APBB2: variants seen among roughly 807,000 people sequenced by gnomAD.
APBB2 encodes Fe65-like 1.
Under a neutral mutation model 82.5 loss-of-function variants are expected in APBB2, and 38 were observed. The ratio of observed to expected loss-of-function variants is 0.46; its 90% CI spans 0.36 to 0.60. APBB2 has a LOEUF of 0.60. Ranked by LOEUF, APBB2 falls within the 20% of genes least tolerant of loss-of-function variation. APBB2 has a pLI of 0.00. For missense variants in APBB2, 772 were observed against 972.3 expected (o/e 0.79, Z 2.74); for synonymous variants, 341 against 368.2 (o/e 0.93, Z 0.85).
At chr4:41,181,664 G>A (rs1338155160) in intron 1 of APBB2, among the ~76,000 whole-genome samples, 3 of 152,258 alleles carry the variant, frequency 2.0e-5, no homozygotes, top group Middle Eastern at 3.4e-3. Context: ...GGACTAGCAT[G>A]GCCGGGCACA....
At chr4:40,986,291 T>C (rs1800411825) in intron 6 of APBB2, among the ~76,000 whole-genome samples, 1 of 152,234 alleles carries the variant, frequency 6.6e-6, no homozygotes, top group Non-Finnish European at 1.5e-5. Context: ...GTTGTCACCA[T>C]GCAATCCACT....
chr4:41,065,857 G>C (rs1048451579), intron 3 of APBB2, among the ~76,000 whole-genome samples, 184 bp from the exon 4 acceptor site: 4 of 151,898 alleles, frequency 2.6e-5, no homozygotes, highest in Non-Finnish European at 5.9e-5. Context: ...GCAGGCCCAG[G>C]GCTTGCTGAT....
chr4:40,934,931 G>A, intron 8 of APBB2, 146 bp downstream of exon 8: 1 of 730,308 alleles, frequency 1.4e-6, no homozygotes, highest in Non-Finnish European at 2.2e-6. Flanking sequence ...AAGGCAACAG[G>A]AGTGTGAGCT....
intron 10 of APBB2, among the ~76,000 whole-genome samples, chr4:40,930,404 CTT>C (rs1332149791): frequency 2.7e-5 from 4 of 150,028 alleles, no homozygotes; most frequent in Non-Finnish European, 5.9e-5. Flanking sequence ...TAGAAAAAGA[CTT>C]TGCTCTTTGG....
At chr4:41,101,268 T>C (rs1458622442) in intron 2 of APBB2, among the ~76,000 whole-genome samples, 1 of 148,478 alleles carries the variant, frequency 6.7e-6, no homozygotes, top group Admixed American at 6.7e-5. Flanking sequence ...ATCGAGACCA[T>C]CCTGGCTAAC....
intron 10 of APBB2, among the ~76,000 whole-genome samples, chr4:40,907,367 ATATATATATATAT>A (rs1490471920): frequency 9.6e-4 from 69 of 71,612 alleles, no homozygotes; most frequent in East Asian, 6.2e-3. Flanking sequence ...ATATATATAT[ATATATATATATAT>A]TTTTTTTTTT....
chr4:40,955,903 G>C (rs939896151), intron 6 of APBB2, among the ~76,000 whole-genome samples: 2 of 152,026 alleles, frequency 1.3e-5, no homozygotes, highest in Non-Finnish European at 2.9e-5. Context: ...AGCCTCTCGA[G>C]TAGCTGGGAT....
At chr4:40,914,279 A>G (rs556467175) in intron 10 of APBB2, among the ~76,000 whole-genome samples, 2 of 152,298 alleles carry the variant, frequency 1.3e-5, no homozygotes, top group Admixed American at 1.3e-4. Context: ...AGGCCGAGGC[A>G]GGAGAATGGC....
At chr4:41,134,150 T>C (rs1252605057) in intron 2 of APBB2, among the ~76,000 whole-genome samples, 1 of 152,088 alleles carries the variant, frequency 6.6e-6, no homozygotes, top group Non-Finnish European at 1.5e-5. Flanking sequence ...TTTTTTTAAG[T>C]TAATTAATTT....
intron 5 of APBB2, among the ~76,000 whole-genome samples, chr4:41,025,375 C>A (rs539977113): frequency 6.6e-6 from 1 of 150,816 alleles, no homozygotes; most frequent in South Asian, 2.1e-4. Flanking sequence ...GGTGAGATTG[C>A]GGAGAAAAGG....
rs954534065 is a variant in APBB2, at chr4:40,810,813, C to A, written c.*5279G>T. ...CCTCTTATCCCACCCAGATTTCTAT[C>A]TGGTTGGTTAGGGTAGTCCATGCCT... is the stretch of plus-strand genomic sequence containing the variant. On this transcript the variant is annotated 3_prime_UTR_variant, in exon 18 of 18. Transcript: ENST00000508593. 2 of 152,162 alleles carry A rather than the reference C, an allele frequency of 1.3e-5. No homozygotes were observed. The highest frequency in any genetic ancestry group is 4.8e-5 in the African/African-American group (2 of 41,440). The allele number at this position is 152,162 out of a possible 1,614,324, so 9.4% of individuals were successfully genotyped here.
At chr4:40,908,183 C>T (rs1304969320) in intron 10 of APBB2, among the ~76,000 whole-genome samples, 1 of 151,992 alleles carries the variant, frequency 6.6e-6, no homozygotes, top group Non-Finnish European at 1.5e-5. Context: ...AACAAAAAGG[C>T]GGCCAGCACA....
intron 6 of APBB2, among the ~76,000 whole-genome samples, chr4:40,988,586 C>A (rs1392086213): frequency 8.1e-6 from 1 of 122,802 alleles, no homozygotes; most frequent in Non-Finnish European, 1.6e-5. Flanking sequence ...TGAAGTGAGC[C>A]AAGATCGTGC....
intron 2 of APBB2, among the ~76,000 whole-genome samples, chr4:41,132,596 C>A (rs976812266): frequency 1.3e-5 from 2 of 152,208 alleles, no homozygotes; most frequent in Non-Finnish European, 2.9e-5. Flanking sequence ...ACAAACTAAG[C>A]ATAAAGGTAC....
chr4:40,974,270 C>G (rs1011332616), intron 6 of APBB2, among the ~76,000 whole-genome samples: 1 of 152,084 alleles, frequency 6.6e-6, no homozygotes, highest in Non-Finnish European at 1.5e-5. Context: ...CTTATAGGTA[C>G]CAGAGGTTAG....
At chr4:41,121,715 G>A (rs1042276170) in intron 2 of APBB2, among the ~76,000 whole-genome samples, 1 of 152,128 alleles carries the variant, frequency 6.6e-6, no homozygotes, top group African/African-American at 2.4e-5. Flanking sequence ...GTCCTGTCAG[G>A]TGGCTCTCTA....
intron 6 of APBB2, among the ~76,000 whole-genome samples, chr4:40,951,022 C>T (rs1415786974): frequency 6.6e-6 from 1 of 152,144 alleles, no homozygotes; most frequent in Non-Finnish European, 1.5e-5. Flanking sequence ...AGTCCAAGAA[C>T]TCAACTACAT....
chr4:40,943,715 A>T (rs1424395212), intron 7 of APBB2, among the ~76,000 whole-genome samples: 3 of 152,232 alleles, frequency 2.0e-5, no homozygotes, highest in African/African-American at 7.2e-5. Flanking sequence ...GCCCAGTGAT[A>T]AGCAACAAAG....
At position 40,890,472 on chromosome 4, in the gene APBB2, A is replaced by T. The variant is rs200558257; in HGVS notation, c.1421T>A (p.Ile474Asn). 4.7e-4 allele frequency: 763 copies of T among 1,614,066 alleles called. 1 individual carries two copies. Among genetic ancestry groups the T allele is most frequent in the Middle Eastern group, 9.9e-4 (6 of 6,056 alleles). Residue 474 changes from isoleucine to asparagine, a missense_variant, in exon 12 of 18, where the codon ATC becomes AAC. Ile to Asn is a moderately radical substitution (Grantham distance 149). Transcript: ENST00000508593. ...CAGGCTGAGCATGTCATTCTCCAGG[A>T]TCAGGTACATGTCTTTCCCCTGGGA... is the stretch of plus-strand genomic sequence containing the variant. The part of the protein sequence containing the change: ...IWGEGKDMYL[I>N]LENDMLSLVD...
Sources: allele counts gnomAD v4.1 joint callset (sites outside exome capture counted in the v4.1 genomes callset), GRCh38; gene constraint gnomAD v4.1.1; transcripts MANE v1.5; gene names NCBI Gene and HGNC (gene_info 2026-07-23, HGNC 2026-07-21).